The following LRP1B variants were observed in gnomAD, a reference collection of about 807,000 sequenced individuals.
The protein encoded by LRP1B is LDL receptor related protein 1B.
LRP1B carries 217 observed loss-of-function variants against 556.6 expected under a neutral mutation model. That is an observed-to-expected ratio of 0.39 (90% CI 0.35 to 0.44). LRP1B has a LOEUF of 0.44. Ranked by LOEUF, LRP1B falls within the 20% of genes least tolerant of loss-of-function variation. The pLI, the probability that LRP1B is intolerant of heterozygous loss-of-function variation, is 1.00. For synonymous variants in LRP1B, 2,047 were observed against 1,865.8 expected (o/e 1.10, Z -2.50); for missense variants, 5,053 against 5,620.8 (o/e 0.90, Z 3.23).
chr2:141,181,629 A>G (rs1317692347), intron 7 of LRP1B, among the ~76,000 whole-genome samples: 2 of 151,944 alleles, frequency 1.3e-5, no homozygotes, highest in Non-Finnish European at 2.9e-5. Context: ...TATGAATAAT[A>G]TGAGTCAAAG....
At chr2:140,791,280 C>A (rs1368520501) in intron 32 of LRP1B, among the ~76,000 whole-genome samples, 4 of 151,462 alleles carry the variant, frequency 2.6e-5, no homozygotes, top group Middle Eastern at 3.4e-3. Context: ...AACAAAAAAA[C>A]CAGCTGGGCT....
intron 7 of LRP1B, among the ~76,000 whole-genome samples, chr2:141,124,664 G>GAAGA (rs1701154400): frequency 1.4e-5 from 1 of 73,680 alleles, no homozygotes; most frequent in African/African-American, 4.0e-5. Context: ...AGTGACAAAT[G>GAAGA]AAAAAAAAAA....
At chr2:140,907,058 G>A (rs1354059955) in intron 22 of LRP1B, among the ~76,000 whole-genome samples, 1 of 150,862 alleles carries the variant, frequency 6.6e-6, no homozygotes, top group African/African-American at 2.4e-5. Context: ...GGGCTTCAAT[G>A]TAGTTGTCTT....
chr2:141,515,779 A>T (rs144830609), intron 2 of LRP1B, among the ~76,000 whole-genome samples: 1,750 of 152,306 alleles, frequency 0.011, 19 homozygotes, highest in Non-Finnish European at 0.019. Context: ...AAGAATAAAA[A>T]GTTTATTATG....
intron 3 of LRP1B, among the ~76,000 whole-genome samples, chr2:141,456,706 G>C (rs1007281739): frequency 6.6e-6 from 1 of 152,198 alleles, no homozygotes; most frequent in Non-Finnish European, 1.5e-5. Context: ...CCTGGGCTGA[G>C]CTTCAAAAGG....
rs750984950 is a variant in LRP1B at position 141,863,467 on chromosome 2, A to G, written c.83-53066T>C. On this transcript the variant is annotated intron_variant, in intron 1 of 90. Coordinates refer to ENST00000389484, the MANE Select transcript of LRP1B (RefSeq NM_018557.3). ...GGAAAAGCTGTACCAAAGAGAAACT[A>G]AGTGAGCTGAGATCAGCTGAATCTA... Among the ~76,000 whole-genome samples, 30 of 152,316 alleles carry G rather than the reference A, an allele frequency of 2.0e-4. 1 individual carries two copies. The highest frequency in any genetic ancestry group is 3.4e-3 in the Middle Eastern group (1 of 294).
intron 30 of LRP1B, 50 bp downstream of exon 30, chr2:140,840,868 A>T (rs1380047609): frequency 7.0e-7 from 1 of 1,424,898 alleles, no homozygotes; most frequent in Non-Finnish European, 9.5e-7. Flanking sequence ...AAATCAGGGC[A>T]AAAGTCTATG....
chr2:141,046,369 C>T (rs552681943), intron 11 of LRP1B, among the ~76,000 whole-genome samples: 14 of 152,134 alleles, frequency 9.2e-5, no homozygotes, highest in African/African-American at 1.2e-4. Flanking sequence ...TTTCTGATGC[C>T]AAGAATGACA....
chr2:141,132,332 G>C (rs897629475), intron 7 of LRP1B, among the ~76,000 whole-genome samples: 2 of 151,830 alleles, frequency 1.3e-5, no homozygotes, highest in African/African-American at 2.4e-5. Context: ...GGTTCTCAGG[G>C]GAATGGATTA....
chr2:140,302,642 T>A (rs879798227), intron 83 of LRP1B, among the ~76,000 whole-genome samples: 8 of 152,110 alleles, frequency 5.3e-5, no homozygotes, highest in Non-Finnish European at 1.0e-4. Flanking sequence ...AGAAAGATAT[T>A]TCCTCACCAG....
intron 2 of LRP1B, among the ~76,000 whole-genome samples, chr2:141,799,773 T>G (rs1483573275): frequency 6.6e-6 from 1 of 151,698 alleles, no homozygotes; most frequent in African/African-American, 2.4e-5. Flanking sequence ...GAAACTTCAC[T>G]GTTACGTTTA....
intron 79 of LRP1B, among the ~76,000 whole-genome samples, chr2:140,330,537 T>A (rs2105075350): frequency 6.6e-6 from 1 of 152,186 alleles, no homozygotes; most frequent in South Asian, 2.1e-4. Flanking sequence ...AAATTGAAAC[T>A]GGACCCCTTC....
intron 1 of LRP1B, among the ~76,000 whole-genome samples, chr2:141,979,646 G>A (rs1223106555): frequency 6.6e-6 from 1 of 151,840 alleles, no homozygotes; most frequent in Non-Finnish European, 1.5e-5. Context: ...ATTAGTCAAT[G>A]TTCCCCTTTA....
chr2:141,243,298 CAGAGAG>C (rs1683949709), intron 5 of LRP1B, among the ~76,000 whole-genome samples: 1 of 151,848 alleles, frequency 6.6e-6, no homozygotes, highest in Admixed American at 6.6e-5. Flanking sequence ...GCCTGGGCAA[CAGAGAG>C]AGATCCTGTG....
At chr2:140,933,614 C>T (rs1695118088) in intron 20 of LRP1B, among the ~76,000 whole-genome samples, 1 of 151,964 alleles carries the variant, frequency 6.6e-6, no homozygotes, top group Non-Finnish European at 1.5e-5. Flanking sequence ...TTAATTATAT[C>T]TTTAACAAAA....
At chr2:140,975,122 C>T (rs1294390890) in intron 18 of LRP1B, among the ~76,000 whole-genome samples, 8 of 152,106 alleles carry the variant, frequency 5.3e-5, no homozygotes, top group Non-Finnish European at 1.0e-4. Flanking sequence ...AGTAATGCAA[C>T]CAAAAGGGCA....
rs541448713 is a variant in LRP1B at position 141,176,040 on chromosome 2, A to C, written c.1013+12381T>G. Among the ~76,000 whole-genome samples the C allele has an allele frequency of 3.8e-4, 58 of 152,182 alleles. 1 individual carries two copies. Among genetic ancestry groups the C allele is most frequent in the Admixed American group, 9.2e-4 (14 of 15,266 alleles). ...TTTTTGGCCAATTTCTCTCTTTTGG[A>C]GTGGTGGCATTTACCCAATGCCTGT... On this transcript the variant is annotated intron_variant, in intron 7 of 90. Transcript: ENST00000389484.
At chr2:140,764,009 A>C (rs996894058) in intron 35 of LRP1B, among the ~76,000 whole-genome samples, 1 of 152,164 alleles carries the variant, frequency 6.6e-6, no homozygotes, top group African/African-American at 2.4e-5. Flanking sequence ...AAAATCGAAA[A>C]AATGTCCCAA....
intron 1 of LRP1B, among the ~76,000 whole-genome samples, chr2:142,050,185 GA>G (rs1210566367): frequency 6.6e-6 from 1 of 152,092 alleles, no homozygotes; most frequent in Non-Finnish European, 1.5e-5. Context: ...CACACAGAGA[GA>G]AATTTCATAT....
Sources: allele counts gnomAD v4.1 joint callset (sites outside exome capture counted in the v4.1 genomes callset), GRCh38; gene constraint gnomAD v4.1.1; transcripts MANE v1.5; gene names NCBI Gene and HGNC (gene_info 2026-07-23, HGNC 2026-07-21).